CACNA2D1: variants seen among roughly 807,000 people sequenced by gnomAD.
CACNA2D1 encodes the protein voltage-dependent calcium channel subunit alpha-2/delta-1.
CACNA2D1 carries 53 observed loss-of-function variants against 171.5 expected under a neutral mutation model. The observed-to-expected ratio is 0.31, with a 90% CI of 0.25 to 0.39. The LOEUF is 0.39. Among genes scored for constraint, CACNA2D1 ranks in the 10% least tolerant of loss-of-function variants. CACNA2D1 has a pLI of 1.00. For synonymous variants in CACNA2D1, 442 were observed against 443.1 expected, an observed-to-expected ratio of 1.00 and a Z score of 0.03; for missense variants, 903 against 1,299.8, an observed-to-expected ratio of 0.69 and a Z score of 4.69.
rs1794643504 is a variant in CACNA2D1, at chr7:81,965,666, CTATCAAAA to C, written c.2503-9_2503-2del. 6.3e-7 allele frequency: 1 copy of C among 1,577,456 alleles called. No individual in the cohort carries two copies. The highest frequency in any genetic ancestry group is 1.4e-5 in the African/African-American group (1 of 74,058). On this transcript the variant is annotated splice_acceptor_variant and splice_polypyrimidine_tract_variant and intron_variant, in intron 31 of 38. Coordinates refer to ENST00000356860, the MANE Select transcript of CACNA2D1 (RefSeq NM_000722.4). LOFTEE classifies it high-confidence loss of function. ...CATCCAGAATCACACAATCCATTAC[CTATCAAAA>C]TAAAGTGAACAGTTAACACATTTTT...
intron 3 of CACNA2D1, among the ~76,000 whole-genome samples, chr7:82,253,646 A>T (rs1805941616): frequency 6.6e-6 from 1 of 152,244 alleles, no homozygotes; most frequent in Admixed American, 6.5e-5. Context: ...CTTTCATGTT[A>T]AATTCTTATA....
intron 3 of CACNA2D1, among the ~76,000 whole-genome samples, chr7:82,310,929 T>C (rs1052632121): frequency 6.6e-6 from 1 of 152,114 alleles, no homozygotes; most frequent in Non-Finnish European, 1.5e-5. Flanking sequence ...CAAATTAGCT[T>C]TGGGATGTTA....
intron 1 of CACNA2D1, chr7:82,410,527 G>C: frequency 1.0e-6 from 1 of 985,378 alleles, no homozygotes; most frequent in Non-Finnish European, 1.2e-6. Flanking sequence ...TGGTCTGAAG[G>C]TGCACGCTAC....
rs745938337 is a variant in CACNA2D1 at position 82,358,023 on chromosome 7, C to G, written c.96-8374G>C. Among the ~76,000 whole-genome samples the G allele has an allele frequency of 1.4e-4, 22 of 152,086 alleles. 1 individual carries two copies. The highest frequency in any genetic ancestry group is 2.5e-4 in the Non-Finnish European group (17 of 68,014). ...ATTTTTAACCGAAGCAAATAAGAGA[C>G]ATAGTTATGCCCTGTGGAGCTGGGG... On this transcript the variant is annotated intron_variant, in intron 1 of 38. Transcript: ENST00000356860.
chr7:82,048,502 C>G (rs1423929087), intron 10 of CACNA2D1, among the ~76,000 whole-genome samples: 1 of 151,980 alleles, frequency 6.6e-6, no homozygotes, highest in East Asian at 1.9e-4. Context: ...ATTTTCATGT[C>G]TTAGCATATT....
chr7:82,365,553 A>G (rs182960029), intron 1 of CACNA2D1, among the ~76,000 whole-genome samples: 1 of 152,354 alleles, frequency 6.6e-6, no homozygotes, highest in East Asian at 1.9e-4. Flanking sequence ...TTCAAATAAC[A>G]TTGATTTTTG....
chr7:82,286,546 T>C (rs748644750), intron 3 of CACNA2D1, among the ~76,000 whole-genome samples: 1 of 152,146 alleles, frequency 6.6e-6, no homozygotes, highest in Non-Finnish European at 1.5e-5. Context: ...AGTTGTACAA[T>C]CTTTCCAAAG....
chr7:81,977,667 G>C (rs1182862649), intron 24 of CACNA2D1, among the ~76,000 whole-genome samples: 1 of 152,064 alleles, frequency 6.6e-6, no homozygotes, highest in Non-Finnish European at 1.5e-5. Context: ...TACCATTCAG[G>C]GCATAGGCAT....
At chr7:82,220,713 T>C (rs898329345) in intron 3 of CACNA2D1, among the ~76,000 whole-genome samples, 3 of 151,926 alleles carry the variant, frequency 2.0e-5, no homozygotes, top group African/African-American at 7.2e-5. Flanking sequence ...TTGCAGATAG[T>C]GCTGGAAAAT....
intron 2 of CACNA2D1, among the ~76,000 whole-genome samples, chr7:82,347,961 G>GA (rs1248179851): frequency 5.3e-5 from 8 of 150,778 alleles, no homozygotes; most frequent in African/African-American, 1.5e-4. Flanking sequence ...AGCAGATTCA[G>GA]AAAAAAAAAG....
chr7:82,232,861 CAAAAAAAAA>C (rs71093370), intron 3 of CACNA2D1, among the ~76,000 whole-genome samples: 8 of 52,450 alleles, frequency 1.5e-4, no homozygotes, highest in Admixed American at 3.7e-4. Flanking sequence ...GAGATGTCTC[CAAAAAAAAA>C]AAAAAAAAAA....
At chr7:82,008,113 C>T (rs1401868562) in intron 15 of CACNA2D1, among the ~76,000 whole-genome samples, 1 of 152,086 alleles carries the variant, frequency 6.6e-6, no homozygotes, top group Admixed American at 6.6e-5. Flanking sequence ...TCAGGGCCTC[C>T]ATAAGCAGAG....
intron 1 of CACNA2D1, among the ~76,000 whole-genome samples, chr7:82,390,276 A>C (rs1824950335): frequency 6.6e-6 from 1 of 152,142 alleles, no homozygotes; most frequent in South Asian, 2.1e-4. Context: ...ATTTCTTTGG[A>C]GTAAAAAGAA....
At chr7:82,410,790 C>A (rs1177350976) in intron 1 of CACNA2D1, among the ~76,000 whole-genome samples, 1 of 152,194 alleles carries the variant, frequency 6.6e-6, no homozygotes, top group Admixed American at 6.5e-5. Flanking sequence ...CAGTACCAAG[C>A]GATGAGTCTT....
chr7:81,972,615 C>T (rs995136738), intron 25 of CACNA2D1, among the ~76,000 whole-genome samples: 3 of 151,794 alleles, frequency 2.0e-5, no homozygotes, highest in African/African-American at 7.2e-5. Context: ...ATTGAGGAAA[C>T]AGGTGATGAG....
At chr7:82,058,646 T>C (rs765997161) in intron 10 of CACNA2D1, among the ~76,000 whole-genome samples, 25 of 152,280 alleles carry the variant, frequency 1.6e-4, no homozygotes, top group Middle Eastern at 3.4e-3. Flanking sequence ...TATCAAGTTT[T>C]AATAAATAAT....
chr7:82,224,780 C>T (rs1417357408), intron 3 of CACNA2D1, among the ~76,000 whole-genome samples: 3 of 152,112 alleles, frequency 2.0e-5, no homozygotes, highest in Non-Finnish European at 4.4e-5. Flanking sequence ...GTCTTCCCCT[C>T]AGCAAAGCCA....
intron 10 of CACNA2D1, among the ~76,000 whole-genome samples, chr7:82,040,452 C>CAAAAAA (rs34257660): frequency 9.4e-5 from 10 of 106,494 alleles, no homozygotes; most frequent in South Asian, 6.6e-4. Flanking sequence ...ATAATTTATT[C>CAAAAAA]AAAAAAAAAA....
intron 7 of CACNA2D1, 83 bp downstream of exon 7, chr7:82,084,686 T>A: frequency 6.9e-7 from 1 of 1,444,732 alleles, no homozygotes; most frequent in South Asian, 1.1e-5. Context: ...ATATTTTTCT[T>A]ACAGTATCAG....
Sources: allele counts gnomAD v4.1 joint callset (sites outside exome capture counted in the v4.1 genomes callset), GRCh38; gene constraint gnomAD v4.1.1; transcripts MANE v1.5; gene names NCBI Gene and HGNC (gene_info 2026-07-23, HGNC 2026-07-21).